The following PCDHA5 variants were observed in gnomAD, a reference collection of about 807,000 sequenced individuals.
The protein encoded by PCDHA5 is protocadherin alpha-5.
Under a neutral mutation model 61.6 loss-of-function variants are expected in PCDHA5, and 43 were observed. The observed-to-expected ratio is 0.70, with a 90% confidence interval of 0.55 to 0.90. PCDHA5 has a LOEUF of 0.90. Among genes scored for constraint, PCDHA5 ranks in the 40% least tolerant of loss-of-function variants. The pLI, the probability that PCDHA5 is intolerant of heterozygous loss-of-function variation, is 0.00. For missense variants in PCDHA5, 1,298 were observed against 1,222.7 expected (o/e 1.06, Z -0.92); for synonymous variants, 627 against 543.9 (o/e 1.15, Z -2.13).
intron 3 of PCDHA5, among the ~76,000 whole-genome samples, chr5:140,985,361 G>T (rs1453706797): frequency 1.3e-5 from 2 of 152,132 alleles, no homozygotes; most frequent in Non-Finnish European, 2.9e-5. Flanking sequence ...GACCCTCTGA[G>T]GTTATCTGGG....
intron 1 of PCDHA5, chr5:140,862,573 G>A (rs1252034022): frequency 4.1e-6 from 2 of 484,618 alleles, no homozygotes; most frequent in East Asian, 1.1e-4. Context: ...CAATGCCCTG[G>A]CGTTCCAGCA....
chr5:140,869,613 CA>C (rs782134760), intron 1 of PCDHA5: 1 of 1,613,944 alleles, frequency 6.2e-7, no homozygotes. Flanking sequence ...TATTGACCTA[CA>C]GGCTAAGTAA....
In PCDHA5 at chr5:140,822,825, C is replaced by T; in HGVS notation, c.1050C>T (p.Ala350=). ...TGAATGATAATACCCCAGAGATGGC[C>T]ATAACCACCCTTTTCCTGCCTGTCA... ...LDVNDNTPEM[A]ITTLFLPVKE... The change falls in exon 1 of 4, where the codon GCC becomes GCT. Residue 350 remains alanine (A), a synonymous_variant. Coordinates refer to ENST00000529859, the MANE Select transcript of PCDHA5 (RefSeq NM_018908.3). The T allele has an allele frequency of 6.2e-7, 1 of 1,614,132 alleles. No homozygotes were observed. The highest frequency in any genetic ancestry group is 8.5e-7 in the Non-Finnish European group (1 of 1,180,028).
At chr5:140,934,528 G>C (rs782284913) in intron 1 of PCDHA5, among the ~76,000 whole-genome samples, 1 of 152,116 alleles carries the variant, frequency 6.6e-6, no homozygotes, top group African/African-American at 2.4e-5. Flanking sequence ...CACTTCGAGA[G>C]CTACCGTTCT....
At chr5:140,977,023 G>T (rs1554238168) in intron 1 of PCDHA5, among the ~76,000 whole-genome samples, 1 of 152,148 alleles carries the variant, frequency 6.6e-6, no homozygotes, top group Non-Finnish European at 1.5e-5. Flanking sequence ...TCTGTCAAAT[G>T]AATCTAAGAA....
chr5:140,969,403 G>C, intron 1 of PCDHA5: 1 of 1,579,282 alleles, frequency 6.3e-7, no homozygotes, highest in Non-Finnish European at 8.6e-7. Context: ...CCTGTGATTT[G>C]GCTTTATTGA....
intron 1 of PCDHA5, among the ~76,000 whole-genome samples, chr5:140,872,514 T>G (rs1223185665): frequency 1.3e-5 from 2 of 152,108 alleles, no homozygotes; most frequent in East Asian, 3.9e-4. Context: ...GTAGTCCCAG[T>G]TTCTTGGGAG....
intron 1 of PCDHA5, chr5:140,834,247 G>C: frequency 1.1e-6 from 1 of 891,604 alleles, no homozygotes; most frequent in Non-Finnish European, 1.7e-6. Flanking sequence ...TTTCGCACTG[G>C]AAAGACGCTC....
intron 1 of PCDHA5, among the ~76,000 whole-genome samples, chr5:140,959,108 C>T (rs1299073504): frequency 1.3e-5 from 2 of 151,918 alleles, no homozygotes; most frequent in East Asian, 3.9e-4. Flanking sequence ...AGCAGGGGTC[C>T]GAAGGTGGGC....
At chr5:140,830,536 T>A (rs1771118020) in intron 1 of PCDHA5, 1 of 1,240,846 alleles carries the variant, frequency 8.1e-7, no homozygotes, top group Non-Finnish European at 1.1e-6. Context: ...AATTTATAAT[T>A]GTTTTCCTCA....
chr5:140,834,556 A>G (rs2150220924), intron 1 of PCDHA5: 2 of 1,613,934 alleles, frequency 1.2e-6, no homozygotes, highest in African/African-American at 2.7e-5. Context: ...GAGCTGGCGG[A>G]GCTGGTGCCG....
chr5:141,005,164 G>T (rs782398186), intron 3 of PCDHA5, among the ~76,000 whole-genome samples: 1 of 152,178 alleles, frequency 6.6e-6, no homozygotes, highest in Non-Finnish European at 1.5e-5. Context: ...TAAAGAGTGG[G>T]TACCACTTTC....
At chr5:141,009,279 A>T (rs2098404369) in intron 3 of PCDHA5, among the ~76,000 whole-genome samples, 1 of 152,124 alleles carries the variant, frequency 6.6e-6, no homozygotes, top group Non-Finnish European at 1.5e-5. Flanking sequence ...ACATAGTGAG[A>T]TCCCATTTCT....
rs2150311010 is a variant in PCDHA5 at position 140,841,095 on chromosome 5, A to G, written c.2352+16968A>G. On this transcript the variant is annotated intron_variant, in intron 1 of 3. Transcript: ENST00000529859. ...ATAGAAAGTGCATAGAAGAACCCAGATATTGCGGAAGTAATTCATGTAATC... is the reference window on the plus strand; with the variant it reads ...ATAGAAAGTGCATAGAAGAACCCAGGTATTGCGGAAGTAATTCATGTAATC... The G allele has an allele frequency of 8.8e-5, 50 of 569,466 alleles. 1 individual carries two copies. The highest frequency in any genetic ancestry group is 1.5e-4 in the Non-Finnish European group (49 of 329,750). The allele number at this position is 569,466 out of a possible 1,614,324, so 35.3% of individuals were successfully genotyped here. A position where few individuals can be genotyped will look rare whatever the true frequency, so the allele number is the denominator to read the frequency against.
intron 1 of PCDHA5, chr5:140,929,210 G>C (rs782078369): frequency 1.9e-6 from 3 of 1,614,070 alleles, no homozygotes; most frequent in Non-Finnish European, 2.5e-6. Context: ...CTGTTGCGTG[G>C]GGAGTACAAT....
chr5:140,877,674 G>T (rs2057278019), intron 1 of PCDHA5: 2 of 1,613,630 alleles, frequency 1.2e-6, no homozygotes, highest in East Asian at 4.5e-5. Flanking sequence ...GGTGCGCGCC[G>T]GGCAAGCCCA....
In PCDHA5 at chr5:140,841,863, A is replaced by T. The variant is rs1288637378; in HGVS notation, c.2352+17736A>T. On this transcript the variant is annotated intron_variant, in intron 1 of 3. Transcript: ENST00000529859. ...AGCTCTCATGATTACTTCATGCTAGATGTGAATTCAAAGAACGATGAGAAT... is the reference window on the plus strand; with the variant it reads ...AGCTCTCATGATTACTTCATGCTAGTTGTGAATTCAAAGAACGATGAGAAT... The T allele has an allele frequency of 9.9e-6, 16 of 1,613,706 alleles. No individual in the cohort carries two copies. In the Admixed American group the frequency reaches 2.7e-4, roughly 27 times the overall value.
rs2150442306 is a variant in PCDHA5 at position 140,849,604 on chromosome 5, C to T, written c.2352+25477C>T. 16 of 1,598,568 alleles carry T rather than the reference C, an allele frequency of 1.0e-5. 2 individuals are homozygous for T. The highest frequency in any genetic ancestry group is 1.4e-5 in the Non-Finnish European group (16 of 1,167,944). On this transcript the variant is annotated intron_variant, in intron 1 of 3. Coordinates refer to ENST00000529859, the MANE Select transcript of PCDHA5 (RefSeq NM_018908.3). ...GACGCACAACTGGGGACAGTTATTG[C>T]CCTGATTAGTGTGATCGACCTAGAC... is the stretch of plus-strand genomic sequence containing the variant.
chr5:140,858,881 T>A (rs1466953448), intron 1 of PCDHA5: 7 of 242,834 alleles, frequency 2.9e-5, no homozygotes, highest in Non-Finnish European at 5.6e-5. Flanking sequence ...TTTTCCTCCA[T>A]GTGTAGAATA....
Sources: gnomAD v4.1 joint callset for allele counts (sites outside exome capture counted in the v4.1 genomes callset) on GRCh38, gnomAD v4.1.1 for gene constraint, MANE v1.5 for transcripts, NCBI Gene and HGNC (gene_info 2026-07-23, HGNC 2026-07-21) for gene names.